TMEM163: variants seen among roughly 807,000 people sequenced by gnomAD.
TMEM163 encodes the protein transmembrane protein 163.
Under a neutral mutation model 29.3 loss-of-function variants are expected in TMEM163, and 17 were observed. That is an observed-to-expected ratio of 0.58 (90% CI 0.40 to 0.87). TMEM163 has a LOEUF of 0.87. TMEM163 is among the 40% of genes least tolerant of loss of function. TMEM163 has a pLI of 0.00. For synonymous variants in TMEM163, 157 were observed against 160.6 expected, an observed-to-expected ratio of 0.98 and a Z score of 0.17; for missense variants, 303 against 381.5, an observed-to-expected ratio of 0.79 and a Z score of 1.71.
At chr2:134,647,828 G>A (rs942899247) in intron 2 of TMEM163, among the ~76,000 whole-genome samples, 5 of 152,216 alleles carry the variant, frequency 3.3e-5, no homozygotes, top group African/African-American at 1.2e-4. Flanking sequence ...GGGAGCACAG[G>A]TGAGTAGGTG....
chr2:134,501,314 T>C (rs1231807252), intron 5 of TMEM163, among the ~76,000 whole-genome samples: 1 of 152,104 alleles, frequency 6.6e-6, no homozygotes, highest in Non-Finnish European at 1.5e-5. Context: ...CTGCTTCTCT[T>C]AAGAGTATTT....
At chr2:134,529,329 TCAAAAA>T (rs956405716) in intron 4 of TMEM163, among the ~76,000 whole-genome samples, 1 of 151,810 alleles carries the variant, frequency 6.6e-6, no homozygotes, top group African/African-American at 2.4e-5. Flanking sequence ...TCGCTCTGTC[TCAAAAA>T]CAAAAACAAA....
chr2:134,550,498 GT>G (rs2106507352), intron 4 of TMEM163, 71 bp downstream of exon 4: 1 of 1,438,460 alleles, frequency 7.0e-7, no homozygotes, highest in East Asian at 2.3e-5. Flanking sequence ...GGCAAGCTGT[GT>G]TGAGGGCCTC....
chr2:134,552,138 A>AT lies in TMEM163; in HGVS notation c.323-48dup, dbSNP rs763118342. The AT allele has an allele frequency of 4.4e-5, 66 of 1,483,226 alleles. No individual in the cohort carries two copies. The African/African-American group carries it at 8.0e-4, about 18-fold the overall frequency. 91.9% of individuals were successfully genotyped at this position (1,483,226 alleles called of 1,614,324 possible). A position where few individuals can be genotyped will look rare whatever the true frequency, so the allele number is the denominator to read the frequency against. ...TTCAGAATATTTTAAAACCTCTCTCATTTTTGAGTATATTAATACATTACA... is the reference window on the plus strand; with the variant it reads ...TTCAGAATATTTTAAAACCTCTCTCATTTTTTGAGTATATTAATACATTACA... On this transcript the variant is annotated intron_variant, in intron 2 of 7. Transcript: ENST00000281924.
chr2:134,701,031 A>G (rs1338736352), intron 2 of TMEM163, among the ~76,000 whole-genome samples: 1 of 151,904 alleles, frequency 6.6e-6, no homozygotes, highest in Non-Finnish European at 1.5e-5. Flanking sequence ...ATGCAGATGC[A>G]TGGGGCATAG....
intron 2 of TMEM163, among the ~76,000 whole-genome samples, chr2:134,582,746 T>C (rs192707598): frequency 2.4e-4 from 36 of 152,264 alleles, no homozygotes; most frequent in African/African-American, 6.5e-4. Context: ...GCTGATGCTT[T>C]AGTTTTGGCA....
At chr2:134,538,602 C>T (rs1260587116) in intron 4 of TMEM163, among the ~76,000 whole-genome samples, 1 of 149,686 alleles carries the variant, frequency 6.7e-6, no homozygotes, top group Non-Finnish European at 1.5e-5. Context: ...GTGGCATATC[C>T]ATACAATGGA....
At chr2:134,535,723 TTTTTTGTTTGTTTG>T (rs1479503659) in intron 4 of TMEM163, among the ~76,000 whole-genome samples, 3 of 148,816 alleles carry the variant, frequency 2.0e-5, no homozygotes, top group African/African-American at 7.8e-5. Flanking sequence ...TATGGTTTTT[TTTTTTGTTTGTTTG>T]TTTTTTTTGA....
chr2:134,462,261 G>A (rs1033541560), intron 6 of TMEM163, among the ~76,000 whole-genome samples: 6 of 151,682 alleles, frequency 4.0e-5, no homozygotes, highest in Non-Finnish European at 5.9e-5. Context: ...CACCCTATCC[G>A]AGCTGCCATC....
intron 2 of TMEM163, among the ~76,000 whole-genome samples, chr2:134,670,513 G>A (rs1225415330): frequency 3.9e-5 from 6 of 152,162 alleles, no homozygotes; most frequent in Non-Finnish European, 7.3e-5. Context: ...CAACAGCCAC[G>A]CCTACAGAGC....
intron 2 of TMEM163, among the ~76,000 whole-genome samples, chr2:134,651,879 G>A (rs1203798003): frequency 8.7e-6 from 1 of 114,844 alleles, no homozygotes; most frequent in Non-Finnish European, 1.7e-5. Flanking sequence ...ATTTCTGAGG[G>A]CTCTGTTCTG....
At chr2:134,619,925 C>T (rs1183232791) in intron 2 of TMEM163, among the ~76,000 whole-genome samples, 1 of 151,902 alleles carries the variant, frequency 6.6e-6, no homozygotes, top group African/African-American at 2.4e-5. Context: ...ATTAACAATC[C>T]CATGCACTAT....
intron 2 of TMEM163, among the ~76,000 whole-genome samples, chr2:134,661,119 ACTCT>A (rs1430400071): frequency 6.7e-6 from 1 of 149,940 alleles, no homozygotes; most frequent in Non-Finnish European, 1.5e-5. Flanking sequence ...ATGCTTACGT[ACTCT>A]CTCACACACA....
At chr2:134,547,198 CAAAAT>C (rs1354161731) in intron 4 of TMEM163, among the ~76,000 whole-genome samples, 4 of 152,022 alleles carry the variant, frequency 2.6e-5, no homozygotes, top group Non-Finnish European at 5.9e-5. Flanking sequence ...TGCGTTTTAA[CAAAAT>C]AAAATAAAAA....
intron 1 of TMEM163, 136 bp downstream of exon 1, chr2:134,718,598 C>G: frequency 1.7e-6 from 1 of 589,122 alleles, no homozygotes; most frequent in Non-Finnish European, 2.2e-6. Flanking sequence ...TAGCGGCGTT[C>G]TCGCCGGGAA....
At chr2:134,593,268 A>G (rs1007876576) in intron 2 of TMEM163, among the ~76,000 whole-genome samples, 7 of 152,194 alleles carry the variant, frequency 4.6e-5, no homozygotes, top group Non-Finnish European at 8.8e-5. Context: ...CAAATTTCCT[A>G]AAAGTTCCAC....
chr2:134,686,415 G>A lies in TMEM163; in HGVS notation c.322+26785C>T, dbSNP rs77314311. On this transcript the variant is annotated intron_variant, in intron 2 of 7. Coordinates refer to ENST00000281924, the MANE Select transcript of TMEM163 (RefSeq NM_030923.5). ...AGCAGGATGGTGGTGGCTTCCAGGG[G>A]CAGAACCCCAGTCAAAAGAAAGAAC... Among the ~76,000 whole-genome samples, 5 of 152,254 alleles carry A rather than the reference G, an allele frequency of 3.3e-5. No homozygotes were observed. The East Asian group carries it at 9.7e-4, about 29-fold the overall frequency.
chr2:134,511,409 A>G (rs937124695), intron 4 of TMEM163, among the ~76,000 whole-genome samples: 1 of 152,194 alleles, frequency 6.6e-6, no homozygotes, highest in Non-Finnish European at 1.5e-5. Flanking sequence ...TCCACTAAGG[A>G]TGGCAGGGCA....
At chr2:134,493,253 C>T (rs1185523644) in intron 5 of TMEM163, among the ~76,000 whole-genome samples, 1 of 149,962 alleles carries the variant, frequency 6.7e-6, no homozygotes, top group African/African-American at 2.5e-5. Context: ...TATATATATG[C>T]TGTCTGTGCT....
Sources: gnomAD v4.1 joint callset for allele counts (sites outside exome capture counted in the v4.1 genomes callset) on GRCh38, gnomAD v4.1.1 for gene constraint, MANE v1.5 for transcripts, NCBI Gene and HGNC (gene_info 2026-07-23, HGNC 2026-07-21) for gene names.